ULK4: variants seen among roughly 807,000 people sequenced by gnomAD.
ULK4 encodes the protein inactive serine/threonine-protein kinase ULK4.
A neutral mutation model predicts 160.6 loss-of-function variants in ULK4; 133 were observed. That is an observed-to-expected ratio of 0.83 (90% CI 0.72 to 0.96). The LOEUF (loss-of-function observed/expected upper bound fraction) is 0.96. Ranked by LOEUF, ULK4 falls within the 40% of genes least tolerant of loss-of-function variation. The probability of loss-of-function intolerance (pLI) is 0.00; values close to 1 mark genes in which losing one functional copy is unlikely to be tolerated. For synonymous variants in ULK4, 534 were observed against 539.8 expected (o/e 0.99, Z 0.15); for missense variants, 1,580 against 1,499.5 (o/e 1.05, Z -0.89).
intron 30 of ULK4, among the ~76,000 whole-genome samples, chr3:41,631,052 A>C (rs771781265): frequency 1.3e-5 from 2 of 152,204 alleles, no homozygotes; most frequent in African/African-American, 4.8e-5. Flanking sequence ...CTTCAAAAAG[A>C]AACAGTTTCA....
At chr3:41,473,539 G>A (rs544509659) in intron 32 of ULK4, among the ~76,000 whole-genome samples, 51 of 151,780 alleles carry the variant, frequency 3.4e-4, no homozygotes, top group Non-Finnish European at 5.7e-4. Context: ...GAACATGCCT[G>A]TAATCCCAGC....
At chr3:41,307,158 TTA>T (rs1491508433) in intron 35 of ULK4, among the ~76,000 whole-genome samples, 3 of 107,088 alleles carry the variant, frequency 2.8e-5, no homozygotes, top group African/African-American at 1.3e-4. Context: ...AATAAATAAA[TTA>T]AAAAAAAAAA....
At chr3:41,284,535 T>C (rs1296397975) in intron 35 of ULK4, among the ~76,000 whole-genome samples, 1 of 152,166 alleles carries the variant, frequency 6.6e-6, no homozygotes, top group Non-Finnish European at 1.5e-5. Flanking sequence ...GATAACTGGC[T>C]AGCTACAGGT....
intron 30 of ULK4, among the ~76,000 whole-genome samples, chr3:41,630,997 C>T (rs905954177): frequency 1.2e-4 from 18 of 152,176 alleles, no homozygotes; most frequent in African/African-American, 3.6e-4. Context: ...AATTGAAAAT[C>T]TCTAACATCA....
rs1309234836 is a variant in ULK4 at position 41,591,380 on chromosome 3, G to A, written c.3120+24289C>T. Among the ~76,000 whole-genome samples the A allele has an allele frequency of 2.0e-5, 3 of 151,888 alleles. No homozygotes were observed. The South Asian group carries it at 6.3e-4, about 32-fold the overall frequency. ...TTCAGACAAATTTTTTTTAAAAGATGAAAGTTGAATAGAGTCTAAACGGGA... is the reference window on the plus strand; with the variant it reads ...TTCAGACAAATTTTTTTTAAAAGATAAAAGTTGAATAGAGTCTAAACGGGA... On this transcript the variant is annotated intron_variant, in intron 31 of 36. Transcript: ENST00000301831.
At chr3:41,450,092 G>A (rs1209464992) in intron 34 of ULK4, among the ~76,000 whole-genome samples, 1 of 151,856 alleles carries the variant, frequency 6.6e-6, no homozygotes, top group Non-Finnish European at 1.5e-5. Context: ...TAAGGGACAA[G>A]CAGGCTGTAG....
chr3:41,489,091 C>A (rs992757303), intron 32 of ULK4, among the ~76,000 whole-genome samples: 1 of 152,044 alleles, frequency 6.6e-6, no homozygotes, highest in Non-Finnish European at 1.5e-5. Context: ...TCCTTCAACT[C>A]TCCCTTTCAT....
At chr3:41,405,799 C>T (rs917573495) in intron 34 of ULK4, among the ~76,000 whole-genome samples, 2 of 149,364 alleles carry the variant, frequency 1.3e-5, no homozygotes, top group African/African-American at 2.5e-5. Flanking sequence ...AAGTCTTCTG[C>T]CCATTTTTTA....
intron 27 of ULK4, among the ~76,000 whole-genome samples, chr3:41,682,663 CAGT>C (rs1341960829): frequency 1.3e-5 from 2 of 152,188 alleles, no homozygotes; most frequent in Non-Finnish European, 2.9e-5. Flanking sequence ...TTATATGTGA[CAGT>C]ATATCTCAAT....
chr3:41,874,540 A>G (rs1697226660), intron 17 of ULK4, among the ~76,000 whole-genome samples: 1 of 152,270 alleles, frequency 6.6e-6, no homozygotes, highest in Non-Finnish European at 1.5e-5. Context: ...ATGAGGACAT[A>G]GAATGTAAAA....
At chr3:41,622,806 A>C (rs2033320549) in intron 30 of ULK4, among the ~76,000 whole-genome samples, 1 of 152,318 alleles carries the variant, frequency 6.6e-6, no homozygotes, top group African/African-American at 2.4e-5. Context: ...CTTTTAGTCC[A>C]GGGTTCAGAA....
intron 21 of ULK4, among the ~76,000 whole-genome samples, chr3:41,788,529 A>C (rs2040058890): frequency 6.6e-6 from 1 of 152,022 alleles, no homozygotes; most frequent in African/African-American, 2.4e-5. Flanking sequence ...CTAAAAATAC[A>C]AAAACAAAAA....
chr3:41,521,807 G>T (rs1265274368), intron 32 of ULK4, among the ~76,000 whole-genome samples: 1 of 152,114 alleles, frequency 6.6e-6, no homozygotes, highest in Non-Finnish European at 1.5e-5. Context: ...CAATATCCCT[G>T]GGGAGATTAA....
intron 31 of ULK4, among the ~76,000 whole-genome samples, chr3:41,581,118 A>G (rs2030291471): frequency 6.6e-6 from 1 of 152,158 alleles, no homozygotes. Context: ...AGAACAATAT[A>G]AAATTGTAAC....
intron 33 of ULK4, among the ~76,000 whole-genome samples, chr3:41,457,358 G>A (rs1467655742): frequency 2.6e-5 from 4 of 152,140 alleles, no homozygotes; most frequent in South Asian, 2.1e-4. Flanking sequence ...GATCTGCATA[G>A]TCATACGTCA....
intron 33 of ULK4, among the ~76,000 whole-genome samples, chr3:41,457,738 C>T (rs1244461508): frequency 6.6e-6 from 1 of 152,208 alleles, no homozygotes; most frequent in Non-Finnish European, 1.5e-5. Context: ...GCCCGTGTCC[C>T]TGTCACAACA....
intron 21 of ULK4, among the ~76,000 whole-genome samples, chr3:41,788,561 GTACC>G (rs2040060306): frequency 6.6e-6 from 1 of 151,994 alleles, no homozygotes; most frequent in Non-Finnish European, 1.5e-5. Flanking sequence ...GTGGTGGCGG[GTACC>G]TATAGTCCCA....
chr3:41,831,531 A>ATATATATATATATATATATTTTTT, intron 18 of ULK4, among the ~76,000 whole-genome samples: 5 of 138,056 alleles, frequency 3.6e-5, no homozygotes, highest in East Asian at 2.1e-4. Context: ...ATATATATAT[A>ATATATATATATATATATATTTTTT]TTTTTTTTTC....
chr3:41,627,504 C>A (rs2033570811), intron 30 of ULK4, among the ~76,000 whole-genome samples: 1 of 152,254 alleles, frequency 6.6e-6, no homozygotes, highest in African/African-American at 2.4e-5. Flanking sequence ...ACACTGTCAT[C>A]TCCAAAGGGA....
Sources: allele counts gnomAD v4.1 joint callset (sites outside exome capture counted in the v4.1 genomes callset), GRCh38; gene constraint gnomAD v4.1.1; transcripts MANE v1.5; gene names NCBI Gene and HGNC (gene_info 2026-07-23, HGNC 2026-07-21).